The following ZFP62 variants were observed in gnomAD, a reference collection of about 807,000 sequenced individuals.
The protein encoded by ZFP62 is ZFP62 zinc finger protein.
In ZFP62, 44 loss-of-function variants were observed where a neutral mutation model predicts 56.4. That is an observed-to-expected ratio of 0.78 (90% CI 0.61 to 1.00). ZFP62 has a LOEUF of 1.00. Ranked by LOEUF, ZFP62 falls within the 50% of genes least tolerant of loss-of-function variation. The pLI, the probability that ZFP62 is intolerant of heterozygous loss-of-function variation, is 0.00. For missense variants in ZFP62, 1,030 were observed against 1,085.7 expected (o/e 0.95, Z 0.72); for synonymous variants, 421 against 388.9 (o/e 1.08, Z -0.97).
At chr5:180,840,289 G>C in the ZFP62 span, among the ~76,000 whole-genome samples, 4 of 152,214 alleles carry the variant, frequency 2.6e-5, no homozygotes. Context: ...AAAAGGGGCA[G>C]TCAGCTTCAG....
downstream of ZFP62, among the ~76,000 whole-genome samples, chr5:180,847,208 C>T (rs1773434292): frequency 6.6e-6 from 1 of 152,208 alleles, no homozygotes; most frequent in Non-Finnish European, 1.5e-5. Context: ...CTGATTGGCC[C>T]ACTCACAGTA....
Position 180,848,734 on chromosome 5 carries a change from T to C in ZFP62, c.*58A>G. On this transcript the variant is annotated 3_prime_UTR_variant, in exon 2 of 2. Coordinates refer to ENST00000502412, the MANE Select transcript of ZFP62 (RefSeq NM_001172638.2). ...TACAAGCCATGACCCCCTACATTCTTACATTCATAAGGTATTTCTTCCATT... is the reference window on the plus strand; with the variant it reads ...TACAAGCCATGACCCCCTACATTCTCACATTCATAAGGTATTTCTTCCATT... The C allele has an allele frequency of 6.9e-7, 1 of 1,456,016 alleles. No individual in the cohort carries two copies. Among genetic ancestry groups the C allele is most frequent in the African/African-American group, 1.4e-5 (1 of 70,006 alleles). The allele number at this position is 1,456,016 out of a possible 1,614,324, so 90.2% of individuals were successfully genotyped here.
rs1402625653 is a variant in ZFP62 at position 180,848,248 on chromosome 5, G to C, written c.*544C>G. 1 of 985,144 alleles carries C rather than the reference G, an allele frequency of 1.0e-6. No individual in the cohort carries two copies. Among genetic ancestry groups the C allele is most frequent in the Non-Finnish European group, 1.2e-6 (1 of 829,980 alleles). The allele number at this position is 985,144 out of a possible 1,614,324, so 61.0% of individuals were successfully genotyped here. On this transcript the variant is annotated 3_prime_UTR_variant, in exon 2 of 2. Transcript: ENST00000502412. ...TTTTGTTTCAGAAGTCATCATCACT[G>C]CCCCCTCCCAAACCAATTACATCAA... is the stretch of plus-strand genomic sequence containing the variant.
chr5:180,836,642 C>T, the ZFP62 span, among the ~76,000 whole-genome samples: 1 of 152,182 alleles, frequency 6.6e-6, no homozygotes, highest in East Asian at 1.9e-4. Flanking sequence ...CAAGTGAACC[C>T]ACATCAGAGG....
rs1398579457 is a variant in ZFP62 at position 180,848,532 on chromosome 5, T to A, written c.*260A>T. 8.5e-7 allele frequency: 1 copy of A among 1,183,310 alleles called. No homozygotes were observed. The highest frequency in any genetic ancestry group is 3.7e-5 in the East Asian group (1 of 27,158). 73.3% of individuals were successfully genotyped at this position (1,183,310 alleles called of 1,614,324 possible). Reference sequence around the variant, plus strand: ...CAGAAATGTCTACTGATTTTGAAGATTTGCTTCACATTCCATCACTCAGAT... The same window carrying A: ...CAGAAATGTCTACTGATTTTGAAGAATTGCTTCACATTCCATCACTCAGAT... On this transcript the variant is annotated 3_prime_UTR_variant, in exon 2 of 2. Transcript: ENST00000502412.
At chr5:180,856,674 G>C (rs2113710550) in intron 1 of ZFP62, among the ~76,000 whole-genome samples, 1 of 152,222 alleles carries the variant, frequency 6.6e-6, no homozygotes, top group African/African-American at 2.4e-5. Flanking sequence ...GACAGAGGCG[G>C]CCGGGCATGG....
downstream of ZFP62, among the ~76,000 whole-genome samples, chr5:180,843,618 A>G (rs545452707): frequency 2.4e-4 from 36 of 152,350 alleles, no homozygotes; most frequent in African/African-American, 4.8e-5. Flanking sequence ...TTCAATTCAT[A>G]TAACAATTTT....
the ZFP62 span, among the ~76,000 whole-genome samples, chr5:180,833,889 T>C: frequency 6.6e-6 from 1 of 152,252 alleles, no homozygotes; most frequent in African/African-American, 2.4e-5. Flanking sequence ...CAGGATGGTC[T>C]CGATCTCCTG....
chr5:180,838,717 T>G, the ZFP62 span, among the ~76,000 whole-genome samples: 1 of 152,324 alleles, frequency 6.6e-6, no homozygotes, highest in Non-Finnish European at 1.5e-5. Context: ...AAATAAAATT[T>G]TTTTAAAAAG....
chr5:180,860,689 CA>C (rs111743384), intron 1 of ZFP62: 11 of 124,318 alleles, frequency 8.8e-5, no homozygotes, highest in African/African-American at 1.2e-4. Context: ...ACTCACCGAC[CA>C]AAAAAAAAAA....
At position 180,849,603 on chromosome 5, in the gene ZFP62, A is replaced by T; in HGVS notation, c.1892T>A (p.Leu631His). The T allele has an allele frequency of 6.4e-7, 1 of 1,551,868 alleles. No individual in the cohort carries two copies. The highest frequency in any genetic ancestry group is 8.7e-7 in the Non-Finnish European group (1 of 1,147,054). Residue 631 changes from leucine to histidine, a missense_variant, in exon 2 of 2, where the codon CTC (leucine) becomes CAC (histidine). Coordinates refer to ENST00000502412, the MANE Select transcript of ZFP62 (RefSeq NM_001172638.2). ...VCEKSFNYTS[L>H]LSQHRRVHTR... ...GTGGACCCTTCTGTGCTGAGAAAGG[A>T]GCGATGTGTAATTAAAAGATTTCTC...
Position 180,848,928 on chromosome 5 carries a change from G to A in ZFP62, c.2567C>T (p.Thr856Ile), listed in dbSNP as rs1184834197. The A allele has an allele frequency of 1.3e-6, 2 of 1,551,652 alleles. No individual in the cohort carries two copies. The highest frequency in any genetic ancestry group is 2.4e-5 in the South Asian group (2 of 84,058). The part of the protein sequence containing the change: ...GKAFNIRSNL[T>I]KHKRTHTGEE... ...TCCAGTATGGGTTCTTTTATGCTTG[G>A]TGAGATTTGATCTGATATTAAAAGC... is the stretch of plus-strand genomic sequence containing the variant. The change falls in exon 2 of 2, where the codon ACC becomes ATC. Residue 856 changes from threonine (T) to isoleucine (I), a missense_variant. Coordinates refer to ENST00000502412, the MANE Select transcript of ZFP62 (RefSeq NM_001172638.2).
At chr5:180,833,221 C>T in the ZFP62 span, among the ~76,000 whole-genome samples, 1 of 152,078 alleles carries the variant, frequency 6.6e-6, no homozygotes, top group Non-Finnish European at 1.5e-5. Flanking sequence ...TGGCTCACAC[C>T]TGTAATCCCA....
At chr5:180,833,739 C>T in the ZFP62 span, among the ~76,000 whole-genome samples, 15,202 of 150,410 alleles carry the variant, frequency 0.1, 826 homozygotes, top group South Asian at 0.11. Flanking sequence ...GGCACGATCT[C>T]GGCTCACTGC....
rs1011078440 is a variant in ZFP62, at chr5:180,850,894, C to T, written c.601G>A (p.Glu201Lys). 1 of 1,566,114 alleles carries T rather than the reference C, an allele frequency of 6.4e-7. No homozygotes were observed. The highest frequency in any genetic ancestry group is 8.7e-7 in the Non-Finnish European group (1 of 1,155,704). ...HTGEKPYKCE[E>K]CGKAYMSYSS... Reference sequence around the variant, plus strand: ...TAGGACATGTAGGCTTTCCCACATTCCTCACACTTGTACGGCTTCTCCCCA... The same window carrying T: ...TAGGACATGTAGGCTTTCCCACATTTCTCACACTTGTACGGCTTCTCCCCA... Residue 201 changes from glutamate to lysine, a missense_variant, in exon 2 of 2, where the codon GAA becomes AAA. Glu to Lys is a moderately conservative substitution (Grantham distance 56, BLOSUM62 1). Transcript: ENST00000502412.
At chr5:180,855,366 G>T (rs1407864230) in intron 1 of ZFP62, among the ~76,000 whole-genome samples, 1 of 152,098 alleles carries the variant, frequency 6.6e-6, no homozygotes, top group Non-Finnish European at 1.5e-5. Flanking sequence ...TGTTGTATCT[G>T]GAAAAAGTGG....
rs773200063 is a variant in ZFP62 at position 180,851,314 on chromosome 5, T to A, written c.181A>T (p.Met61Leu). ...NQQKKPVENR[M>L]KEDKSSIREA... ...CTGATGCTGCTTTTGTCCTCCTTCA[T>A]CCTGTTTTCCACAGGCTTTTTCTGT... is the stretch of plus-strand genomic sequence containing the variant. The change falls in exon 2 of 2, where the codon ATG becomes TTG. Residue 61 changes from methionine (M) to leucine (L), a missense_variant. Coordinates refer to ENST00000502412, the MANE Select transcript of ZFP62 (RefSeq NM_001172638.2). 9.0e-6 allele frequency: 14 copies of A among 1,551,748 alleles called. No individual in the cohort carries two copies. The South Asian group carries it at 1.7e-4, about 18-fold the overall frequency.
chr5:180,841,302 T>C, the ZFP62 span, among the ~76,000 whole-genome samples: 6 of 112,070 alleles, frequency 5.4e-5, no homozygotes, highest in East Asian at 8.7e-4. Context: ...TACATACACA[T>C]ATATATATAC....
chr5:180,834,261 C>T, the ZFP62 span: 1 of 152,220 alleles, frequency 6.6e-6, no homozygotes, highest in Non-Finnish European at 1.5e-5. Flanking sequence ...GATGGAAAGA[C>T]TTATTTATGT....
Sources: gnomAD v4.1 joint callset for allele counts (sites outside exome capture counted in the v4.1 genomes callset) on GRCh38, gnomAD v4.1.1 for gene constraint, MANE v1.5 for transcripts, NCBI Gene and HGNC (gene_info 2026-07-23, HGNC 2026-07-21) for gene names.